The following PKHD1 variants were observed in gnomAD, a reference collection of about 807,000 sequenced individuals.
PKHD1 encodes the protein fibrocystin.
A neutral mutation model predicts 412.0 loss-of-function variants in PKHD1; 291 were observed. That is an observed-to-expected ratio of 0.71 (90% CI 0.64 to 0.78). The LOEUF (loss-of-function observed/expected upper bound fraction) is 0.78, where lower values mean the gene tolerates loss of function less well. Ranked by LOEUF, PKHD1 falls within the 30% of genes least tolerant of loss-of-function variation. The pLI, the probability that PKHD1 is intolerant of heterozygous loss-of-function variation, is 0.00. For synonymous variants in PKHD1, 1,777 were observed against 1,821.5 expected (o/e 0.98, Z 0.62); for missense variants, 4,825 against 4,950.7 (o/e 0.97, Z 0.76).
chr6:51,799,207 A>C (rs1050947457), intron 52 of PKHD1, among the ~76,000 whole-genome samples: 5 of 152,138 alleles, frequency 3.3e-5, no homozygotes, highest in Non-Finnish European at 7.4e-5. Flanking sequence ...ATAAATTCCA[A>C]TAGTTATCTA....
chr6:52,010,548 G>C (rs1799675515), intron 34 of PKHD1, 89 bp from the exon 35 acceptor site: 5 of 1,156,950 alleles, frequency 4.3e-6, no homozygotes, highest in African/African-American at 1.5e-5. Context: ...CAAGCCATTA[G>C]CTTGTGGCAA....
chr6:52,043,652 A>G lies in PKHD1; in HGVS notation c.2794T>C (p.Cys932Arg), dbSNP rs1249108076. The G allele has an allele frequency of 1.9e-6, 3 of 1,612,494 alleles. No homozygotes were observed. Among genetic ancestry groups the G allele is most frequent in the East Asian group, 2.2e-5 (1 of 44,864 alleles). ...ATGGAGTACCACACAGAATGGACACAGGGAGTTGACCCTTGGAGGTACTGG... is the reference window on the plus strand; with the variant it reads ...ATGGAGTACCACACAGAATGGACACGGGGAGTTGACCCTTGGAGGTACTGG... The part of the protein sequence containing the change: ...SFQYLQGSTP[C>R]VHSVWYSIDG... Residue 932 changes from cysteine (C) to arginine (R), a missense_variant, in exon 26 of 67, where the codon TGT becomes CGT. Cys to Arg is a radical substitution (Grantham distance 180). Transcript: ENST00000371117.
At position 51,822,262 on chromosome 6, in the gene PKHD1, A is replaced by C. The variant is rs1292035265; in HGVS notation, c.8302+8599T>G. ...AGATGTGTGAAACTATAAAACAAGC[A>C]AGAGATGTTACATTAGATTTTGCAT... On this transcript the variant is annotated intron_variant, in intron 52 of 66. Coordinates refer to ENST00000371117, the MANE Select transcript of PKHD1 (RefSeq NM_138694.4). 1.1e-4 allele frequency among the ~76,000 whole-genome samples: 16 copies of C among 152,350 alleles called. No homozygotes were observed. In the East Asian group the frequency reaches 2.3e-3, roughly 22 times the overall value.
rs200047706 is a variant in PKHD1, at chr6:51,934,269, T to C, written c.5962A>G (p.Ile1988Val). 11 of 1,613,628 alleles carry C rather than the reference T, an allele frequency of 6.8e-6. No individual in the cohort carries two copies. The highest frequency in any genetic ancestry group is 1.1e-5 in the South Asian group (1 of 91,058). ...AGCTCTCCACCATCAGAAACAAGGA[T>C]GGCGTGTGCCCTGAGCTCGATGGGT... Reference protein sequence around the residue: ...PGPIELRAHAILVSDGGELRI... With the variant: ...PGPIELRAHAVLVSDGGELRI... The change falls in exon 37 of 67, where the codon ATC (isoleucine) becomes GTC (valine). Residue 1988 changes from isoleucine to valine, a missense_variant. Coordinates refer to ENST00000371117, the MANE Select transcript of PKHD1 (RefSeq NM_138694.4).
At chr6:51,656,179 A>T (rs780492128) in intron 61 of PKHD1, among the ~76,000 whole-genome samples, 1 of 152,194 alleles carries the variant, frequency 6.6e-6, no homozygotes, top group Non-Finnish European at 1.5e-5. Flanking sequence ...GAATCAGTTC[A>T]TGCCCTTTGC....
chr6:51,709,780 T>C (rs1780428519), intron 60 of PKHD1, among the ~76,000 whole-genome samples: 1 of 152,092 alleles, frequency 6.6e-6, no homozygotes, highest in Non-Finnish European at 1.5e-5. Flanking sequence ...GAACAGTCAA[T>C]ATAATTACAT....
At chr6:52,065,168 T>TAGAGAGAG (rs70977326) in intron 12 of PKHD1, 118 bp from the exon 13 acceptor site, 409 of 31,664 alleles carry the variant, frequency 0.013, 23 homozygotes, top group Non-Finnish European at 0.016. Context: ...TATATATATA[T>TAGAGAGAG]AGAGAGAGAG....
At chr6:51,739,744 G>A (rs1009118215) in intron 60 of PKHD1, among the ~76,000 whole-genome samples, 1 of 152,220 alleles carries the variant, frequency 6.6e-6, no homozygotes, top group African/African-American at 2.4e-5. Flanking sequence ...GCATAAAAAA[G>A]GTGCTCATGC....
At chr6:51,645,888 A>G (rs1330567080) in intron 63 of PKHD1, among the ~76,000 whole-genome samples, 1 of 152,172 alleles carries the variant, frequency 6.6e-6, no homozygotes, top group African/African-American at 2.4e-5. Flanking sequence ...CCCTGCAAGG[A>G]TTTTTGAAAA....
intron 4 of PKHD1, 138 bp downstream of exon 4, chr6:52,082,253 AT>A: frequency 1.2e-6 from 1 of 836,436 alleles, no homozygotes; most frequent in South Asian, 1.4e-5. Flanking sequence ...TAGAAAGCAT[AT>A]TCACATGAAA....
Position 51,904,031 on chromosome 6 carries a change from C to G in PKHD1, c.6820G>C (p.Glu2274Gln), listed in dbSNP as rs1224052359. Residue 2274 changes from glutamate to glutamine, a missense_variant, in exon 42 of 67, where the codon GAG (glutamate) becomes CAG (glutamine). Coordinates refer to ENST00000371117, the MANE Select transcript of PKHD1 (RefSeq NM_138694.4). ...GCCTCCCAGGAGATATATCTCATCT[C>G]CGTGCATGTCCCTGAGAACAAAAGA... ...GHALLVGTCTEMRYISWEAIH... is the reference protein window; with the variant it reads ...GHALLVGTCTQMRYISWEAIH... 6.3e-7 allele frequency: 1 copy of G among 1,593,514 alleles called. No individual in the cohort carries two copies. Among genetic ancestry groups the G allele is most frequent in the Non-Finnish European group, 8.6e-7 (1 of 1,161,688 alleles).
chr6:51,921,228 T>C (rs543737580), intron 37 of PKHD1, among the ~76,000 whole-genome samples: 1 of 152,214 alleles, frequency 6.6e-6, no homozygotes, highest in Non-Finnish European at 1.5e-5. Context: ...GTATCGATTT[T>C]AGGTCTTTCC....
chr6:51,765,969 G>C (rs1788924154), intron 55 of PKHD1, among the ~76,000 whole-genome samples: 1 of 152,062 alleles, frequency 6.6e-6, no homozygotes, highest in South Asian at 2.1e-4. Flanking sequence ...CTTCAGGGAA[G>C]CCTTCTCCAA....
In PKHD1 at chr6:51,859,432, A is replaced by AG. The variant is rs1432314707; in HGVS notation, c.7734-3363dup. 2.7e-5 allele frequency among the ~76,000 whole-genome samples: 4 copies of AG among 150,552 alleles called. No homozygotes were observed. In the East Asian group the frequency reaches 8.0e-4, roughly 30 times the overall value. ...TCCCAGCTACTCGGGAGGCTGAGGC[A>AG]GGAGAATGGCGTGAACCTGGGAGGC... On this transcript the variant is annotated intron_variant, in intron 48 of 66. Transcript: ENST00000371117.
In PKHD1 at chr6:51,763,749, G is replaced by A. The variant is rs141612189; in HGVS notation, c.8643-8811C>T. Among the ~76,000 whole-genome samples the A allele has an allele frequency of 3.8e-3, 573 of 152,038 alleles. 1 individual carries two copies. The highest frequency in any genetic ancestry group is 4.5e-3 in the Non-Finnish European group (307 of 67,960). ...CTTTAAATCTGCCCACTTCTCCATT[G>A]CTCCTGCAGCCCCTGACTACAATTA... On this transcript the variant is annotated intron_variant, in intron 55 of 66. Transcript: ENST00000371117.
intron 60 of PKHD1, among the ~76,000 whole-genome samples, chr6:51,686,672 C>T (rs369067574): frequency 2.0e-5 from 3 of 152,092 alleles, no homozygotes; most frequent in African/African-American, 7.2e-5. Context: ...GAAAGTAAGC[C>T]CTATGAGAGC....
rs371242359 is a variant in PKHD1, at chr6:52,035,734, C to T, written c.3098-13G>A. The stretch of plus-strand genomic sequence containing the variant: ...GCCCAGAGCCCTCCTGTAACAAAAA[C>T]AGCATATTCAAATGGGATCACCAAC... On this transcript the variant is annotated splice_polypyrimidine_tract_variant and intron_variant, in intron 27 of 66. Transcript: ENST00000371117. 4.3e-5 allele frequency: 70 copies of T among 1,613,486 alleles called. No homozygotes were observed. The African/African-American group carries it at 8.3e-4, about 19-fold the overall frequency.
intron 59 of PKHD1, 70 bp from the exon 60 acceptor site, chr6:51,744,612 G>C: frequency 4.4e-6 from 5 of 1,131,096 alleles, no homozygotes; most frequent in Non-Finnish European, 6.7e-6. Flanking sequence ...TACATTGGTA[G>C]TGCTAATGTT....
intron 36 of PKHD1, among the ~76,000 whole-genome samples, chr6:51,957,847 AC>A (rs1401689268): frequency 2.8e-4 from 42 of 152,226 alleles, no homozygotes; most frequent in African/African-American, 9.9e-4. Context: ...CACCAAGATT[AC>A]CCCAGTATAC....
Sources: allele counts gnomAD v4.1 joint callset (sites outside exome capture counted in the v4.1 genomes callset), GRCh38; gene constraint gnomAD v4.1.1; transcripts MANE v1.5; gene names NCBI Gene and HGNC (gene_info 2026-07-23, HGNC 2026-07-21).